The following IMMP2L variants were observed in gnomAD, a reference collection of about 807,000 sequenced individuals.
The protein encoded by IMMP2L is inner mitochondrial membrane peptidase subunit 2.
A neutral mutation model predicts 19.3 loss-of-function variants in IMMP2L; 18 were observed. That is an observed-to-expected ratio of 0.93 (90% CI 0.64 to 1.38). The LOEUF (loss-of-function observed/expected upper bound fraction) is 1.38. IMMP2L is among the 40% of genes most tolerant of loss of function. IMMP2L has a pLI of 0.00. For synonymous variants in IMMP2L, 76 were observed against 73.0 expected (o/e 1.04, Z -0.21); for missense variants, 233 against 218.2 (o/e 1.07, Z -0.43).
chr7:110,700,664 GTT>G (rs1168765128), intron 5 of IMMP2L, among the ~76,000 whole-genome samples: 1 of 152,134 alleles, frequency 6.6e-6, no homozygotes, highest in African/African-American at 2.4e-5. Flanking sequence ...GTGTTCATGG[GTT>G]TACCTGAACT....
At chr7:111,070,014 G>T (rs775045511) in intron 3 of IMMP2L, among the ~76,000 whole-genome samples, 2 of 152,022 alleles carry the variant, frequency 1.3e-5, no homozygotes, top group Non-Finnish European at 2.9e-5. Flanking sequence ...ACATAAGAAA[G>T]GTGATAAATA....
chr7:110,849,231 G>T (rs1014928006), intron 5 of IMMP2L, among the ~76,000 whole-genome samples: 1 of 152,002 alleles, frequency 6.6e-6, no homozygotes, highest in African/African-American at 2.4e-5. Context: ...CCCTAAAAAT[G>T]CTCTAAAAAT....
chr7:111,309,815 A>G (rs1823305834), intron 3 of IMMP2L, among the ~76,000 whole-genome samples: 1 of 152,188 alleles, frequency 6.6e-6, no homozygotes, highest in African/African-American at 2.4e-5. Context: ...ACCTGTTAGA[A>G]GTAATGCCGC....
intron 3 of IMMP2L, among the ~76,000 whole-genome samples, chr7:111,401,421 A>C (rs1833411761): frequency 6.6e-6 from 1 of 152,158 alleles, no homozygotes; most frequent in Admixed American, 6.5e-5. Flanking sequence ...ATGGTTCTTT[A>C]AAGAAAAACA....
intron 4 of IMMP2L, among the ~76,000 whole-genome samples, chr7:110,936,998 A>G (rs989842826): frequency 6.6e-6 from 1 of 152,138 alleles, no homozygotes; most frequent in Non-Finnish European, 1.5e-5. Flanking sequence ...GTGGGAGTTG[A>G]ACAATGAGAA....
chr7:110,891,938 T>C (rs554366041), intron 4 of IMMP2L, among the ~76,000 whole-genome samples: 1 of 152,234 alleles, frequency 6.6e-6, no homozygotes, highest in East Asian at 1.9e-4. Context: ...AAACAAGGAA[T>C]AGATAATATT....
chr7:111,059,861 T>C (rs1439735158), intron 3 of IMMP2L, among the ~76,000 whole-genome samples: 1 of 151,530 alleles, frequency 6.6e-6, no homozygotes, highest in Non-Finnish European at 1.5e-5. Flanking sequence ...GGTATGAATA[T>C]ATAAATATAT....
At chr7:111,208,917 C>A (rs1811007484) in intron 3 of IMMP2L, among the ~76,000 whole-genome samples, 2 of 152,116 alleles carry the variant, frequency 1.3e-5, no homozygotes, top group African/African-American at 4.8e-5. Flanking sequence ...TCATTATAAT[C>A]ATCTAATTAT....
chr7:111,185,309 T>C (rs1364956796), intron 3 of IMMP2L, among the ~76,000 whole-genome samples: 2 of 152,200 alleles, frequency 1.3e-5, no homozygotes, highest in Admixed American at 6.5e-5. Flanking sequence ...TCATGCTGTG[T>C]GTGTTAATGA....
chr7:111,522,171 T>C (rs1846395645), intron 1 of IMMP2L, among the ~76,000 whole-genome samples: 2 of 152,088 alleles, frequency 1.3e-5, no homozygotes. Context: ...ACTTGCGCTG[T>C]TTGTGGTGGC....
chr7:110,976,629 T>C (rs972360521), intron 3 of IMMP2L, among the ~76,000 whole-genome samples: 3 of 152,076 alleles, frequency 2.0e-5, no homozygotes, highest in South Asian at 2.1e-4. Context: ...TCTTAGTTTA[T>C]AGATCAGTGG....
chr7:110,875,881 A>G (rs1002763494), intron 5 of IMMP2L, among the ~76,000 whole-genome samples: 2 of 152,110 alleles, frequency 1.3e-5, no homozygotes, highest in African/African-American at 4.8e-5. Context: ...AACTTGATGA[A>G]GCCTTATAGT....
chr7:111,512,972 G>T (rs940557438), intron 2 of IMMP2L, among the ~76,000 whole-genome samples: 16 of 152,002 alleles, frequency 1.1e-4, no homozygotes, highest in Non-Finnish European at 2.4e-4. Flanking sequence ...TTTTAAAGAT[G>T]ATGCCTGAAA....
intron 3 of IMMP2L, among the ~76,000 whole-genome samples, chr7:111,377,108 TA>T (rs1174214741): frequency 1.3e-5 from 2 of 151,828 alleles, no homozygotes; most frequent in Non-Finnish European, 2.9e-5. Context: ...ATTTGCACAA[TA>T]AAAAATATAG....
chr7:110,921,360 G>T (rs2129550498), intron 4 of IMMP2L, among the ~76,000 whole-genome samples: 1 of 152,290 alleles, frequency 6.6e-6, no homozygotes, highest in East Asian at 1.9e-4. Context: ...TCTAGTGGGA[G>T]AGTGGTAGCT....
At chr7:111,420,685 C>T (rs1439827243) in intron 3 of IMMP2L, among the ~76,000 whole-genome samples, 2 of 151,048 alleles carry the variant, frequency 1.3e-5, no homozygotes, top group Admixed American at 1.3e-4. Flanking sequence ...TGATAATTTA[C>T]TGAGAATGAT....
chr7:110,915,917 T>A (rs1211204613), intron 4 of IMMP2L, among the ~76,000 whole-genome samples: 1 of 152,188 alleles, frequency 6.6e-6, no homozygotes, highest in Non-Finnish European at 1.5e-5. Flanking sequence ...AGACATCCTA[T>A]CAGATAATCT....
chr7:110,944,650 A>G (rs1359636456), intron 4 of IMMP2L, among the ~76,000 whole-genome samples: 1 of 151,970 alleles, frequency 6.6e-6, no homozygotes, highest in Non-Finnish European at 1.5e-5. Flanking sequence ...GTTAGTTACC[A>G]GTTTAGATTA....
chr7:111,106,989 G>A (rs1276048769), intron 3 of IMMP2L, among the ~76,000 whole-genome samples: 1 of 151,760 alleles, frequency 6.6e-6, no homozygotes, highest in Non-Finnish European at 1.5e-5. Flanking sequence ...ATATTAAAAT[G>A]CAAAAACAAT....
Sources: gnomAD v4.1 joint callset for allele counts (sites outside exome capture counted in the v4.1 genomes callset) on GRCh38, gnomAD v4.1.1 for gene constraint, MANE v1.5 for transcripts, NCBI Gene and HGNC (gene_info 2026-07-23, HGNC 2026-07-21) for gene names.